TEX36: variants seen among roughly 807,000 people sequenced by gnomAD.
TEX36 encodes the protein testis-expressed protein 36.
TEX36 carries 12 observed loss-of-function variants against 13.6 expected under a neutral mutation model. That is an observed-to-expected ratio of 0.88 (90% confidence interval 0.56 to 1.43). The LOEUF (loss-of-function observed/expected upper bound fraction) is 1.43, where lower values mean the gene tolerates loss of function less well. TEX36 is among the 40% of genes most tolerant of loss of function. The pLI, the probability that TEX36 is intolerant of heterozygous loss-of-function variation, is 0.00. For missense variants in TEX36, 224 were observed against 228.3 expected (o/e 0.98, Z 0.12); for synonymous variants, 93 against 83.0 (o/e 1.12, Z -0.65).
chr10:125,611,529 C>T (rs78040676), intron 3 of TEX36, among the ~76,000 whole-genome samples: 6,378 of 152,218 alleles, frequency 0.042, 235 homozygotes, highest in South Asian at 0.17. Context: ...GTGAGACTGT[C>T]CAGTTCTAAG....
intron 3 of TEX36, among the ~76,000 whole-genome samples, chr10:125,624,679 G>GA (rs199732825): frequency 0.056 from 6,528 of 116,082 alleles, 250 homozygotes; most frequent in South Asian, 0.21. Context: ...TAATTCTACA[G>GA]AAAAAAAAAA....
At chr10:125,581,675 T>A (rs1453209888) in intron 3 of TEX36, among the ~76,000 whole-genome samples, 1 of 152,086 alleles carries the variant, frequency 6.6e-6, no homozygotes, top group Non-Finnish European at 1.5e-5. Flanking sequence ...TAAGGTTGAG[T>A]AATTGAATTA....
intron 3 of TEX36, among the ~76,000 whole-genome samples, chr10:125,613,320 T>C (rs1010834236): frequency 2.0e-5 from 3 of 148,320 alleles, no homozygotes; most frequent in Admixed American, 1.4e-4. Context: ...AGGGTACATG[T>C]GCACCATGTG....
At chr10:125,676,115 A>G (rs1439710046) in intron 1 of TEX36, among the ~76,000 whole-genome samples, 3 of 152,224 alleles carry the variant, frequency 2.0e-5, no homozygotes, top group Non-Finnish European at 4.4e-5. Flanking sequence ...TGAACTGTAA[A>G]TGTCTGTTGG....
Position 125,683,099 on chromosome 10 carries a change from G to GCTC in TEX36, c.-113_-111dup, listed in dbSNP as rs1847423256. The GCTC allele has an allele frequency of 1.6e-6, 2 of 1,226,746 alleles. No homozygotes were observed. Among genetic ancestry groups the GCTC allele is most frequent in the African/African-American group, 1.5e-5 (1 of 66,458 alleles). The allele number at this position is 1,226,746 out of a possible 1,614,324, so 76.0% of individuals were successfully genotyped here. ...TTCATAAGCTCTACACGTCTGGGAA[G>GCTC]CTCCTCCTCCTCCTTGTTCCTGATC... On this transcript the variant is annotated 5_prime_UTR_variant, in exon 1 of 4. Transcript: ENST00000368821.
chr10:125,586,974 T>C (rs545972419), intron 3 of TEX36, among the ~76,000 whole-genome samples: 1 of 152,216 alleles, frequency 6.6e-6, no homozygotes, highest in East Asian at 1.9e-4. Flanking sequence ...TAGAGTCCTC[T>C]TAAGATCCAG....
intron 3 of TEX36, among the ~76,000 whole-genome samples, chr10:125,639,098 T>A (rs1003655667): frequency 5.9e-5 from 9 of 152,220 alleles, no homozygotes; most frequent in African/African-American, 2.2e-4. Flanking sequence ...TCAAATGAAT[T>A]CCTTATCTGG....
At chr10:125,621,582 G>A (rs1378089406), downstream of TEX36, 1 of 455,958 alleles carries the variant, frequency 2.2e-6, no homozygotes, top group East Asian at 6.9e-5. Context: ...ATAAAATGGA[G>A]TTTTTTAGGG....
intron 3 of TEX36, among the ~76,000 whole-genome samples, chr10:125,592,312 C>T (rs1172224432): frequency 1.3e-5 from 2 of 152,096 alleles, no homozygotes; most frequent in Non-Finnish European, 2.9e-5. Flanking sequence ...ACCAGGGCCA[C>T]CAGCCACAGT....
In TEX36 at chr10:125,604,918, C is replaced by G. The variant is rs529475914; in HGVS notation, c.265-28044G>C. On this transcript the variant is annotated intron_variant, in intron 3 of 3. Coordinates refer to the TEX36 transcript ENST00000532135. Reference sequence around the variant, plus strand: ...AGGAAAATAACCTCAGGGCTCCCACCGATTCTACATGATGGTGAGTTGCAT... The same window carrying G: ...AGGAAAATAACCTCAGGGCTCCCACGGATTCTACATGATGGTGAGTTGCAT... Among the ~76,000 whole-genome samples the G allele has an allele frequency of 2.1e-5, 3 of 142,592 alleles. No individual in the cohort carries two copies. The South Asian group carries it at 6.8e-4, about 32-fold the overall frequency. 93.5% of individuals were successfully genotyped at this position (142,592 alleles called of 152,430 possible). A position where few individuals can be genotyped will look rare whatever the true frequency, so the allele number is the denominator to read the frequency against.
At chr10:125,682,565 G>C (rs1847413326) in intron 1 of TEX36, among the ~76,000 whole-genome samples, 1 of 152,114 alleles carries the variant, frequency 6.6e-6, no homozygotes, top group Admixed American at 6.5e-5. Context: ...GAATAAAATA[G>C]ACAAAAATCC....
rs542724388 is a variant in TEX36, at chr10:125,643,579, A to G, written c.264+17442T>C. ...AACAAAGTGAAACTCTGTCTCTACT[A>G]AAAATACAAAAAATTAGCCAGGCTT... is the stretch of plus-strand genomic sequence containing the variant. On this transcript the variant is annotated intron_variant, in intron 3 of 3. Coordinates refer to the TEX36 transcript ENST00000526819. Among the ~76,000 whole-genome samples, 7 of 152,222 alleles carry G rather than the reference A, an allele frequency of 4.6e-5. No individual in the cohort carries two copies. In the East Asian group the frequency reaches 1.4e-3, roughly 29 times the overall value.
At chr10:125,638,799 T>G (rs557671204) in intron 3 of TEX36, among the ~76,000 whole-genome samples, 27 of 152,344 alleles carry the variant, frequency 1.8e-4, no homozygotes, top group Non-Finnish European at 3.1e-4. Flanking sequence ...TGCAGGTCAC[T>G]GCACTCCAGC....
At chr10:125,680,410 G>T (rs1037272763) in intron 1 of TEX36, among the ~76,000 whole-genome samples, 1 of 152,118 alleles carries the variant, frequency 6.6e-6, no homozygotes, top group Non-Finnish European at 1.5e-5. Context: ...ATATTTAATG[G>T]CTATAACATG....
rs527489834 is a variant in TEX36, at chr10:125,669,385, C to G, written c.52-7408G>C. On this transcript the variant is annotated intron_variant, in intron 1 of 3. Coordinates refer to ENST00000368821, the MANE Select transcript of TEX36 (RefSeq NM_001128202.3). ...ATCCCAGCTACTCGGAAGGCTGAGG[C>G]AGGATAATCACTTGAACCTGGGAGG... is the stretch of plus-strand genomic sequence containing the variant. Among the ~76,000 whole-genome samples the G allele has an allele frequency of 1.3e-3, 198 of 151,846 alleles. 1 individual carries two copies. The highest frequency in any genetic ancestry group is 4.5e-3 in the African/African-American group (187 of 41,416).
In TEX36 at chr10:125,655,835, T is replaced by C. The variant is rs1479580808; in HGVS notation, c.*65A>G. Reference sequence around the variant, plus strand: ...AATAGTGGTGCTGGATCAGAAAACATATACTTTTAGGATGTCTGATGAAAT... The same window carrying C: ...AATAGTGGTGCTGGATCAGAAAACACATACTTTTAGGATGTCTGATGAAAT... On this transcript the variant is annotated 3_prime_UTR_variant, in exon 4 of 4. Coordinates refer to ENST00000368821, the MANE Select transcript of TEX36 (RefSeq NM_001128202.3). 1 of 1,401,252 alleles carries C rather than the reference T, an allele frequency of 7.1e-7. No individual in the cohort carries two copies. The allele number at this position is 1,401,252 out of a possible 1,614,324, so 86.8% of individuals were successfully genotyped here. A position where few individuals can be genotyped will look rare whatever the true frequency, so the allele number is the denominator to read the frequency against.
At chr10:125,585,068 C>T (rs755755921) in intron 3 of TEX36, among the ~76,000 whole-genome samples, 3 of 152,048 alleles carry the variant, frequency 2.0e-5, no homozygotes, top group Admixed American at 6.6e-5. Flanking sequence ...GTGCAAGCTC[C>T]GGGAAGAGAC....
chr10:125,596,190 C>G (rs894233203), intron 3 of TEX36, among the ~76,000 whole-genome samples: 1 of 135,292 alleles, frequency 7.4e-6, no homozygotes, highest in East Asian at 2.5e-4. Flanking sequence ...TTGCCTTATA[C>G]AGCAAAAGGG....
intron 3 of TEX36, among the ~76,000 whole-genome samples, chr10:125,638,748 C>T (rs1327385871): frequency 1.3e-5 from 2 of 152,246 alleles, no homozygotes; most frequent in African/African-American, 2.4e-5. Context: ...TGCAGCCACA[C>T]TCACCTGCCA....
Sources: allele counts gnomAD v4.1 joint callset (sites outside exome capture counted in the v4.1 genomes callset), GRCh38; gene constraint gnomAD v4.1.1; transcripts MANE v1.5; gene names NCBI Gene and HGNC (gene_info 2026-07-23, HGNC 2026-07-21).